The following SMOC2 variants were observed in gnomAD, a reference collection of about 807,000 sequenced individuals.
SMOC2 encodes the protein SPARC related modular calcium binding 2.
A neutral mutation model predicts 61.4 loss-of-function variants in SMOC2; 39 were observed. The ratio of observed to expected loss-of-function variants is 0.64; its 90% CI spans 0.49 to 0.83. The LOEUF is 0.83. Ranked by LOEUF, SMOC2 falls within the 40% of genes least tolerant of loss-of-function variation. SMOC2 has a pLI of 0.00. For synonymous variants in SMOC2, 247 were observed against 239.9 expected, an observed-to-expected ratio of 1.03 and a Z score of -0.27; for missense variants, 556 against 592.9, an observed-to-expected ratio of 0.94 and a Z score of 0.65.
At chr6:168,465,350 A>C (rs954307221) in intron 1 of SMOC2, among the ~76,000 whole-genome samples, 1 of 152,108 alleles carries the variant, frequency 6.6e-6, no homozygotes, top group Non-Finnish European at 1.5e-5. Context: ...AACTTAAGGC[A>C]CTTTTGTTTC....
intron 7 of SMOC2, among the ~76,000 whole-genome samples, chr6:168,574,257 G>A (rs1159112673): frequency 6.6e-6 from 1 of 152,230 alleles, no homozygotes; most frequent in Non-Finnish European, 1.5e-5. Context: ...ATGCTCATGG[G>A]CAGGGCGGGT....
chr6:168,617,323 T>C, intron 9 of SMOC2, among the ~76,000 whole-genome samples: 1 of 152,340 alleles, frequency 6.6e-6, no homozygotes, highest in East Asian at 1.9e-4. Context: ...TTTTTCTGTT[T>C]ATTAATTGAT....
At chr6:168,623,813 G>A (rs777220139) in intron 9 of SMOC2, among the ~76,000 whole-genome samples, 2 of 152,216 alleles carry the variant, frequency 1.3e-5, no homozygotes, top group African/African-American at 2.4e-5. Flanking sequence ...GACAGCCTCC[G>A]GGACAGTGAT....
At chr6:168,638,177 T>C (rs2115257240) in intron 9 of SMOC2, among the ~76,000 whole-genome samples, 1 of 152,258 alleles carries the variant, frequency 6.6e-6, no homozygotes, top group East Asian at 1.9e-4. Context: ...ACCGTTCAGC[T>C]GATTGGGCCA....
chr6:168,462,185 G>C (rs1781733179), intron 1 of SMOC2, among the ~76,000 whole-genome samples: 1 of 152,084 alleles, frequency 6.6e-6, no homozygotes, highest in African/African-American at 2.4e-5. Context: ...GAGTGATTTA[G>C]ATCCCTAGAA....
chr6:168,518,270 G>C (rs1292938094), intron 2 of SMOC2, among the ~76,000 whole-genome samples: 1 of 151,564 alleles, frequency 6.6e-6, no homozygotes, highest in Non-Finnish European at 1.5e-5. Flanking sequence ...AAGGAAATCT[G>C]TGCGGGGGTG....
rs1423361570 is a variant in SMOC2, at chr6:168,475,936, G to T, written c.85-33979G>T. On this transcript the variant is annotated intron_variant, in intron 1 of 12. Coordinates refer to ENST00000356284, the MANE Select transcript of SMOC2 (RefSeq NM_001166412.2). This position sits in a 1 kb window ranked among gnomAD's most constrained non-coding sequence, Gnocchi z 4.6. ...GGCAGGAGCAGGTGGACCAGGAGGC[G>T]TGGAAGGGCTGAGGTTTGCTAACCG... Among the ~76,000 whole-genome samples the T allele has an allele frequency of 2.6e-5, 4 of 151,956 alleles. No individual in the cohort carries two copies. The highest frequency in any genetic ancestry group is 2.6e-4 in the Admixed American group (4 of 15,270).
Position 168,475,480 on chromosome 6 carries a change from C to T in SMOC2, c.84+34026C>T, listed in dbSNP as rs948380404. 7.2e-5 allele frequency among the ~76,000 whole-genome samples: 11 copies of T among 152,206 alleles called. No individual in the cohort carries two copies. The highest frequency in any genetic ancestry group is 4.1e-4 in the South Asian group (2 of 4,828). On this transcript the variant is annotated intron_variant, in intron 1 of 12. Coordinates refer to ENST00000356284, the MANE Select transcript of SMOC2 (RefSeq NM_001166412.2). This position sits in a 1 kb window ranked among gnomAD's most constrained non-coding sequence, Gnocchi z 4.6. ...TCCCTGAGGGAAGCATGGTCTCATG[C>T]GGGCTCTGAGCAAGACGGGTGAGAT...
At chr6:168,572,887 G>C (rs1784699305) in intron 7 of SMOC2, among the ~76,000 whole-genome samples, 1 of 107,870 alleles carries the variant, frequency 9.3e-6, no homozygotes. Flanking sequence ...TGGGACCAGG[G>C]CTGCGTGGTC....
intron 1 of SMOC2, among the ~76,000 whole-genome samples, chr6:168,485,808 T>G (rs1782319100): frequency 6.6e-6 from 1 of 152,224 alleles, no homozygotes; most frequent in Non-Finnish European, 1.5e-5. Context: ...ACAATTTGAA[T>G]GGATGAATTG....
At chr6:168,640,360 T>C (rs1291249104) in intron 9 of SMOC2, among the ~76,000 whole-genome samples, 3 of 152,054 alleles carry the variant, frequency 2.0e-5, no homozygotes, top group Non-Finnish European at 4.4e-5. Flanking sequence ...AGAGGAAGCA[T>C]GGGGCAGGCT....
chr6:168,497,008 C>T (rs1202084113), intron 1 of SMOC2, among the ~76,000 whole-genome samples: 2 of 152,236 alleles, frequency 1.3e-5, no homozygotes, highest in African/African-American at 4.8e-5. Context: ...ATGGGGAAGG[C>T]TGAGCAGAGG....
chr6:168,466,809 A>G (rs918723277), intron 1 of SMOC2, among the ~76,000 whole-genome samples: 1 of 152,158 alleles, frequency 6.6e-6, no homozygotes, highest in Admixed American at 6.5e-5. Flanking sequence ...GTCATCCTGG[A>G]CGCTTGGTTT....
At chr6:168,451,632 T>C (rs200732622) in intron 1 of SMOC2, among the ~76,000 whole-genome samples, 1 of 151,066 alleles carries the variant, frequency 6.6e-6, no homozygotes, top group Non-Finnish European at 1.5e-5. Context: ...TCTCTCTCCC[T>C]CCCTCTCTGG....
chr6:168,546,701 G>GCT (rs1562339850), intron 5 of SMOC2, among the ~76,000 whole-genome samples: 3 of 152,106 alleles, frequency 2.0e-5, no homozygotes, highest in African/African-American at 7.2e-5. Context: ...AGGGCACAGG[G>GCT]CTCTGCTCAA....
intron 9 of SMOC2, among the ~76,000 whole-genome samples, chr6:168,619,641 T>C (rs1334027491): frequency 3.3e-5 from 5 of 152,210 alleles, no homozygotes; most frequent in Non-Finnish European, 4.4e-5. Flanking sequence ...TCTACCATAA[T>C]CAAATTAAAA....
chr6:168,453,743 GTC>G lies in SMOC2; in HGVS notation c.84+12295_84+12296del. 6.6e-6 allele frequency among the ~76,000 whole-genome samples: 1 copy of G among 151,118 alleles called. No homozygotes were observed. Among genetic ancestry groups the G allele is most frequent in the East Asian group, 2.0e-4 (1 of 5,046 alleles). Reference sequence around the variant, plus strand: ...ACATACTACATCTCTGTCTATCTCTGTCTCTCTGTCTCCCTCTTTCTCTGTCT... The same window carrying G: ...ACATACTACATCTCTGTCTATCTCTGTCTCTGTCTCCCTCTTTCTCTGTCT... On this transcript the variant is annotated intron_variant, in intron 1 of 12. Transcript: ENST00000356284. The surrounding 1 kb of genome is among the most constrained non-coding windows in gnomAD (Gnocchi z 4.4).
chr6:168,448,758 A>G (rs1781393925), intron 1 of SMOC2, among the ~76,000 whole-genome samples: 1 of 152,194 alleles, frequency 6.6e-6, no homozygotes, highest in Non-Finnish European at 1.5e-5. Flanking sequence ...GTTTTAAAGT[A>G]AAGTACTAAT....
At chr6:168,591,182 T>C (rs575774341) in intron 7 of SMOC2, among the ~76,000 whole-genome samples, 19 of 152,300 alleles carry the variant, frequency 1.2e-4, no homozygotes, top group African/African-American at 4.6e-4. Flanking sequence ...AATGAGACAA[T>C]ATGGAGGAAG....
Sources: allele counts gnomAD v4.1 joint callset (sites outside exome capture counted in the v4.1 genomes callset), GRCh38; gene constraint gnomAD v4.1.1; non-coding constraint Gnocchi (gnomAD v3.1); transcripts MANE v1.5; gene names NCBI Gene and HGNC (gene_info 2026-07-23, HGNC 2026-07-21).